The following ATP10A variants were observed in gnomAD, a reference collection of about 807,000 sequenced individuals.
ATP10A encodes the protein phospholipid-transporting ATPase VA.
In ATP10A, 111 loss-of-function variants were observed where a neutral mutation model predicts 147.8. The ratio of observed to expected loss-of-function variants is 0.75; its 90% confidence interval spans 0.64 to 0.88. The LOEUF is 0.88. ATP10A is among the 40% of genes least tolerant of loss of function. The probability of loss-of-function intolerance (pLI) is 0.00; values close to 1 mark genes in which losing one functional copy is unlikely to be tolerated. For synonymous variants in ATP10A, 875 were observed against 841.6 expected, an observed-to-expected ratio of 1.04 and a Z score of -0.69; for missense variants, 1,927 against 1,959.0, an observed-to-expected ratio of 0.98 and a Z score of 0.31.
chr15:25,694,755 T>G, intron 14 of ATP10A, 64 bp downstream of exon 14: 1 of 1,409,252 alleles, frequency 7.1e-7, no homozygotes, highest in Non-Finnish European at 9.7e-7. Flanking sequence ...TGGTGTAGCA[T>G]GGAAGGGTAG....
chr15:25,713,895 C>T lies in ATP10A; in HGVS notation c.2123G>A (p.Arg708Lys). Residue 708 changes from arginine to lysine, a missense_variant, in exon 10 of 21, where the codon AGA (arginine) becomes AAA (lysine). Physicochemically the swap from Arg to Lys is conservative, Grantham distance 26. Transcript: ENST00000555815. Reference protein sequence around the residue: ...PDEAALVYAARAYNCVLVERL... With the variant: ...PDEAALVYAAKAYNCVLVERL... ...CTCCACAAGCACGCAGTTGTAGGCT[C>T]TGGCCGCATACACCAGTGCGGCCTC... 1 of 1,613,626 alleles carries T rather than the reference C, an allele frequency of 6.2e-7. No homozygotes were observed. Among genetic ancestry groups the T allele is most frequent in the African/African-American group, 1.3e-5 (1 of 75,084 alleles).
intron 1 of ATP10A, among the ~76,000 whole-genome samples, chr15:25,794,570 G>T (rs928527412): frequency 1.3e-5 from 2 of 152,186 alleles, no homozygotes; most frequent in African/African-American, 4.8e-5. Context: ...ATACCATGGA[G>T]ACATGATTTC....
intron 1 of ATP10A, among the ~76,000 whole-genome samples, chr15:25,812,842 A>G (rs1891490797): frequency 1.3e-5 from 2 of 152,228 alleles, no homozygotes; most frequent in Admixed American, 1.3e-4. Context: ...CTTCTCACTA[A>G]GATAGAATAA....
At chr15:25,752,795 T>C (rs924166715) in intron 2 of ATP10A, among the ~76,000 whole-genome samples, 3 of 152,322 alleles carry the variant, frequency 2.0e-5, no homozygotes, top group South Asian at 2.1e-4. Context: ...TCCATGAACA[T>C]AGGATGTCTT....
At chr15:25,856,184 G>T (rs1048011666) in intron 1 of ATP10A, among the ~76,000 whole-genome samples, 1 of 152,134 alleles carries the variant, frequency 6.6e-6, no homozygotes, top group Non-Finnish European at 1.5e-5. Context: ...TAATCCCCAC[G>T]TGTCAAGGGC....
intron 2 of ATP10A, among the ~76,000 whole-genome samples, chr15:25,749,035 C>A (rs540872711): frequency 7.0e-6 from 1 of 143,044 alleles, no homozygotes. Context: ...TGTACTTCAG[C>A]CTGGGCAACA....
chr15:25,843,497 G>A lies in ATP10A; in HGVS notation c.449+19151C>T, dbSNP rs539777670. 3.3e-5 allele frequency among the ~76,000 whole-genome samples: 5 copies of A among 152,202 alleles called. No homozygotes were observed. The East Asian group carries it at 9.7e-4, about 30-fold the overall frequency. On this transcript the variant is annotated intron_variant, in intron 1 of 20. Coordinates refer to ENST00000555815, the MANE Select transcript of ATP10A (RefSeq NM_024490.4). Reference sequence around the variant, plus strand: ...TCCCAAACCAGAGCCCAGACTTGGTGCAGAAAAGAGTTACTCCTCTCTGTG... The same window carrying A: ...TCCCAAACCAGAGCCCAGACTTGGTACAGAAAAGAGTTACTCCTCTCTGTG...
downstream of ATP10A, among the ~76,000 whole-genome samples, chr15:25,674,326 G>T (rs926341209): frequency 1.2e-4 from 18 of 152,188 alleles, no homozygotes; most frequent in African/African-American, 4.1e-4. Context: ...TTCATCACAG[G>T]CCTTGAGCTT....
chr15:25,782,915 A>G (rs1450814127), intron 1 of ATP10A, among the ~76,000 whole-genome samples: 1 of 152,030 alleles, frequency 6.6e-6, no homozygotes. Flanking sequence ...CACACCTGTA[A>G]TCCCAGCACT....
chr15:25,699,569 A>T (rs557551612), intron 13 of ATP10A, among the ~76,000 whole-genome samples: 22 of 152,172 alleles, frequency 1.4e-4, no homozygotes, highest in East Asian at 3.9e-4. Flanking sequence ...CATAAAATTT[A>T]AAAAAAATGA....
rs528686413 is a variant in ATP10A at position 25,742,539 on chromosome 15, C to T, written c.655-6398G>A. Among the ~76,000 whole-genome samples the T allele has an allele frequency of 1.7e-4, 26 of 152,310 alleles. No individual in the cohort carries two copies. The South Asian group carries it at 4.6e-3, about 27-fold the overall frequency. ...TGACTGTCGCACAGTCAAAAAGCCT[C>T]GGTAGATGGTGGCAAAATTCAAAGG... On this transcript the variant is annotated intron_variant, in intron 2 of 20. Coordinates refer to ENST00000555815, the MANE Select transcript of ATP10A (RefSeq NM_024490.4).
At chr15:25,747,151 G>T (rs535633406) in intron 2 of ATP10A, among the ~76,000 whole-genome samples, 2 of 152,170 alleles carry the variant, frequency 1.3e-5, no homozygotes, top group East Asian at 3.9e-4. Flanking sequence ...AGCTGGGCAT[G>T]GTTGTGGGCT....
chr15:25,801,634 C>T (rs142151515), intron 1 of ATP10A, among the ~76,000 whole-genome samples: 1 of 152,296 alleles, frequency 6.6e-6, no homozygotes, highest in Admixed American at 6.5e-5. Context: ...TGGTTTAATC[C>T]GGTGTGGGAC....
chr15:25,854,484 A>G (rs60344013), intron 1 of ATP10A, among the ~76,000 whole-genome samples: 8,031 of 152,334 alleles, frequency 0.053, 569 homozygotes, highest in African/African-American at 0.15. Flanking sequence ...TACAGACTTC[A>G]TGGAAATAGA....
chr15:25,810,676 A>G (rs2140814732), intron 1 of ATP10A, among the ~76,000 whole-genome samples: 1 of 152,266 alleles, frequency 6.6e-6, no homozygotes, highest in East Asian at 1.9e-4. Flanking sequence ...CACGGTCTGA[A>G]AAACGAGCCA....
chr15:25,858,436 C>T (rs1454643986), intron 1 of ATP10A, among the ~76,000 whole-genome samples: 2 of 151,766 alleles, frequency 1.3e-5, no homozygotes, highest in African/African-American at 2.4e-5. Context: ...GAAAGAGGCA[C>T]GGAGAAGGAG....
At chr15:25,749,478 A>G (rs1888035990) in intron 2 of ATP10A, among the ~76,000 whole-genome samples, 1 of 152,174 alleles carries the variant, frequency 6.6e-6, no homozygotes, top group African/African-American at 2.4e-5. Flanking sequence ...AGTGGAGAAC[A>G]ATTAACTCTA....
intron 10 of ATP10A, among the ~76,000 whole-genome samples, chr15:25,711,308 T>C (rs575077652): frequency 6.6e-6 from 1 of 152,214 alleles, no homozygotes; most frequent in Admixed American, 6.5e-5. Context: ...GTTTGTCACC[T>C]ACACACAGGT....
chr15:25,734,463 T>G (rs958229074), intron 3 of ATP10A, among the ~76,000 whole-genome samples: 2 of 152,174 alleles, frequency 1.3e-5, no homozygotes, highest in Non-Finnish European at 1.5e-5. Flanking sequence ...GGTCAAGATG[T>G]CTAGCAACCC....
Sources: allele counts gnomAD v4.1 joint callset (sites outside exome capture counted in the v4.1 genomes callset), GRCh38; gene constraint gnomAD v4.1.1; transcripts MANE v1.5; gene names NCBI Gene and HGNC (gene_info 2026-07-23, HGNC 2026-07-21).